DGKB: variants seen among roughly 807,000 people sequenced by gnomAD.
DGKB encodes the protein diacylglycerol kinase beta.
A neutral mutation model predicts 114.3 loss-of-function variants in DGKB; 67 were observed. The ratio of observed to expected loss-of-function variants is 0.59; its 90% CI spans 0.48 to 0.72. The LOEUF is 0.72. Among genes scored for constraint, DGKB ranks in the 30% least tolerant of loss-of-function variants. The probability of loss-of-function intolerance (pLI) is 0.00; values close to 1 mark genes in which losing one functional copy is unlikely to be tolerated. For missense variants in DGKB, 907 were observed against 975.2 expected, an observed-to-expected ratio of 0.93 and a Z score of 0.93; for synonymous variants, 398 against 323.1, an observed-to-expected ratio of 1.23 and a Z score of -2.49.
At chr7:14,458,946 C>A (rs372025394) in intron 21 of DGKB, among the ~76,000 whole-genome samples, 27 of 152,280 alleles carry the variant, frequency 1.8e-4, no homozygotes, top group African/African-American at 6.5e-4. Flanking sequence ...AAGCTAAGAT[C>A]CACTGGCTTG....
intron 1 of DGKB, among the ~76,000 whole-genome samples, chr7:14,965,595 A>G (rs950534182): frequency 2.6e-5 from 4 of 152,120 alleles, no homozygotes; most frequent in Non-Finnish European, 5.9e-5. Flanking sequence ...ATGGTTATCA[A>G]TTAATGATTA....
At chr7:14,518,745 C>T (rs1224868816) in intron 20 of DGKB, among the ~76,000 whole-genome samples, 1 of 151,786 alleles carries the variant, frequency 6.6e-6, no homozygotes, top group Non-Finnish European at 1.5e-5. Context: ...CCTGGGGACT[C>T]AGGAGATAAG....
intron 23 of DGKB, among the ~76,000 whole-genome samples, chr7:14,199,708 C>T (rs1584407542): frequency 5.9e-5 from 9 of 152,136 alleles, no homozygotes; most frequent in African/African-American, 2.2e-4. Flanking sequence ...AGTGGCAGTG[C>T]ACTATAATGA....
At chr7:14,574,509 T>A in intron 19 of DGKB, 137 bp from the exon 20 acceptor site, 5 of 692,576 alleles carry the variant, frequency 7.2e-6, no homozygotes, top group Non-Finnish European at 1.2e-5. Context: ...TGCCACCAAA[T>A]GAAGAATTAA....
At chr7:14,790,045 T>C (rs983120093) in intron 2 of DGKB, among the ~76,000 whole-genome samples, 7 of 152,240 alleles carry the variant, frequency 4.6e-5, no homozygotes, top group Non-Finnish European at 8.8e-5. Context: ...TGGGTAATGA[T>C]GTTTAATAGC....
intron 21 of DGKB, among the ~76,000 whole-genome samples, chr7:14,379,513 C>G (rs1018407823): frequency 6.6e-6 from 1 of 151,782 alleles, no homozygotes; most frequent in African/African-American, 2.4e-5. Flanking sequence ...CTAGTAACCC[C>G]TTAGTGGATG....
chr7:14,689,086 T>C (rs557366689), intron 9 of DGKB, among the ~76,000 whole-genome samples: 2 of 151,876 alleles, frequency 1.3e-5, no homozygotes, highest in South Asian at 4.1e-4. Flanking sequence ...GAGGAGCTAA[T>C]GTTACAAATA....
chr7:14,264,525 A>G (rs1470349430), intron 23 of DGKB, among the ~76,000 whole-genome samples: 1 of 152,184 alleles, frequency 6.6e-6, no homozygotes, highest in Non-Finnish European at 1.5e-5. Flanking sequence ...ACTCATGAGT[A>G]CTAGAGATTA....
chr7:14,558,350 C>A (rs539134745), intron 20 of DGKB, among the ~76,000 whole-genome samples: 7 of 151,856 alleles, frequency 4.6e-5, no homozygotes, highest in Non-Finnish European at 8.8e-5. Context: ...GGATGCCTTT[C>A]ACAATTTTAC....
rs376747556 is a variant in DGKB at position 14,613,328 on chromosome 7, C to G, written c.1358+12G>C. 54 of 1,538,146 alleles carry G rather than the reference C, an allele frequency of 3.5e-5. 1 individual carries two copies. Among genetic ancestry groups the G allele is most frequent in the East Asian group, 3.1e-4 (13 of 41,818 alleles). Reference sequence around the variant, plus strand: ...ACATGACATAGACACTAAAATCAATCAAAAAACATACCGTTCTCCTTGTTT... The same window carrying G: ...ACATGACATAGACACTAAAATCAATGAAAAAACATACCGTTCTCCTTGTTT... On this transcript the variant is annotated intron_variant, in intron 16 of 25. Coordinates refer to ENST00000402815, the MANE Select transcript of DGKB (RefSeq NM_001350709.2).
intron 25 of DGKB, among the ~76,000 whole-genome samples, chr7:14,174,610 C>A (rs926367321): frequency 6.6e-6 from 1 of 152,002 alleles, no homozygotes; most frequent in Non-Finnish European, 1.5e-5. Context: ...TTAAAAACAC[C>A]GCTACCAACC....
chr7:14,680,517 G>T (rs1563889208), intron 12 of DGKB, among the ~76,000 whole-genome samples: 1 of 151,916 alleles, frequency 6.6e-6, no homozygotes, highest in African/African-American at 2.4e-5. Flanking sequence ...GAATGGTAGG[G>T]CTAGGTGTGG....
chr7:14,651,480 G>T (rs1283940563), intron 13 of DGKB, among the ~76,000 whole-genome samples: 4 of 145,262 alleles, frequency 2.8e-5, no homozygotes, highest in Non-Finnish European at 4.6e-5. Flanking sequence ...AATAAATTAG[G>T]TATTGATGGG....
chr7:14,408,497 C>A (rs1368017970), intron 21 of DGKB, among the ~76,000 whole-genome samples: 1 of 152,030 alleles, frequency 6.6e-6, no homozygotes, highest in East Asian at 1.9e-4. Flanking sequence ...GTAGGCTGAA[C>A]TGGAAAAGTC....
At chr7:14,953,949 C>A (rs1253705192) in intron 1 of DGKB, among the ~76,000 whole-genome samples, 1 of 152,070 alleles carries the variant, frequency 6.6e-6, no homozygotes, top group Non-Finnish European at 1.5e-5. Context: ...AATGCAAATT[C>A]TGAGCCTTTC....
At chr7:14,962,198 AAT>A (rs1445768386) in intron 1 of DGKB, among the ~76,000 whole-genome samples, 1 of 152,144 alleles carries the variant, frequency 6.6e-6, no homozygotes, top group African/African-American at 2.4e-5. Flanking sequence ...AGATATTCAA[AAT>A]AGAGAAAAAT....
At chr7:14,451,904 C>T (rs1330348964) in intron 21 of DGKB, among the ~76,000 whole-genome samples, 1 of 149,146 alleles carries the variant, frequency 6.7e-6, no homozygotes, top group East Asian at 2.0e-4. Flanking sequence ...GAAACTCACT[C>T]TTTTGCACAG....
intron 1 of DGKB, among the ~76,000 whole-genome samples, chr7:14,881,872 C>A (rs1286195789): frequency 6.6e-6 from 1 of 152,096 alleles, no homozygotes; most frequent in African/African-American, 2.4e-5. Flanking sequence ...GCCTTGTACA[C>A]CATTAACCAC....
intron 4 of DGKB, among the ~76,000 whole-genome samples, chr7:14,742,095 T>C (rs990112893): frequency 2.6e-5 from 4 of 152,194 alleles, no homozygotes; most frequent in Non-Finnish European, 5.9e-5. Flanking sequence ...AAAGATATAA[T>C]GTATTCCATT....
Sources: gnomAD v4.1 joint callset for allele counts (sites outside exome capture counted in the v4.1 genomes callset) on GRCh38, gnomAD v4.1.1 for gene constraint, MANE v1.5 for transcripts, NCBI Gene and HGNC (gene_info 2026-07-23, HGNC 2026-07-21) for gene names.